PRKDC: variants seen among roughly 807,000 people sequenced by gnomAD.
PRKDC encodes the protein protein kinase, DNA-activated, catalytic subunit.
Under a neutral mutation model 486.9 loss-of-function variants are expected in PRKDC, and 82 were observed. The ratio of observed to expected loss-of-function variants is 0.17; its 90% confidence interval spans 0.14 to 0.20. The LOEUF (loss-of-function observed/expected upper bound fraction) is 0.20. PRKDC is among the 10% of genes least tolerant of loss of function. PRKDC has a pLI of 1.00. For missense variants in PRKDC, 4,504 were observed against 5,038.2 expected (o/e 0.89, Z 3.21); for synonymous variants, 1,895 against 1,837.0 (o/e 1.03, Z -0.81).
intron 63 of PRKDC, among the ~76,000 whole-genome samples, chr8:47,826,022 C>T (rs1409608877): frequency 1.3e-5 from 2 of 152,200 alleles, no homozygotes; most frequent in Admixed American, 6.5e-5. Context: ...CAAAACAGCA[C>T]GAAGCACAAG....
At chr8:47,936,007 G>C in intron 12 of PRKDC, 107 bp from the exon 13 acceptor site, 1 of 1,117,236 alleles carries the variant, frequency 9.0e-7, no homozygotes, top group Non-Finnish European at 1.2e-6. Flanking sequence ...CTTATTAAAA[G>C]AAAAACATGG....
rs2087472689 is a variant in PRKDC at position 47,817,491 on chromosome 8, T to G, written c.9516A>C (p.Lys3172Asn). Residue 3172 changes from lysine to asparagine, a missense_variant, in exon 68 of 86, where the codon AAA (lysine) becomes AAC (asparagine). Physicochemically the swap from Lys to Asn is moderately conservative, Grantham distance 94. Transcript: ENST00000314191. ...CATCCCAGATGTTCATTGGGTCCAT[T>G]TTAGCATCTGGATATCTGTTTGTCC... ...NTWTNRYPDA[K>N]MDPMNIWDDI... 5 of 1,608,044 alleles carry G rather than the reference T, an allele frequency of 3.1e-6. No homozygotes were observed. Among genetic ancestry groups the G allele is most frequent in the Non-Finnish European group, 4.2e-6 (5 of 1,176,876 alleles).
intron 29 of PRKDC, among the ~76,000 whole-genome samples, 161 bp from the exon 30 acceptor site, chr8:47,897,455 T>C (rs2089601448): frequency 6.6e-6 from 1 of 152,224 alleles, no homozygotes; most frequent in Admixed American, 6.5e-5. Flanking sequence ...TTAGATGCAA[T>C]CAAAATAACA....
At chr8:47,914,866 G>A (rs915173510) in intron 23 of PRKDC, among the ~76,000 whole-genome samples, 4 of 151,466 alleles carry the variant, frequency 2.6e-5, no homozygotes, top group Non-Finnish European at 5.9e-5. Context: ...TGTTGCCCAA[G>A]CTAGTCTCAA....
intron 13 of PRKDC, 45 bp downstream of exon 13, chr8:47,935,687 T>C: frequency 6.3e-7 from 1 of 1,575,896 alleles, no homozygotes; most frequent in Non-Finnish European, 8.7e-7. Context: ...AATAATGTGT[T>C]AATTATCCAT....
chr8:47,909,222 C>A (rs1184661956), intron 25 of PRKDC, among the ~76,000 whole-genome samples: 3 of 152,184 alleles, frequency 2.0e-5, no homozygotes, highest in Non-Finnish European at 2.9e-5. Context: ...CCGGTTGGAG[C>A]CGAGGCAGAA....
At chr8:47,864,523 C>T (rs2154500800) in intron 41 of PRKDC, 33 bp downstream of exon 41, 1 of 1,563,982 alleles carries the variant, frequency 6.4e-7, no homozygotes, top group Non-Finnish European at 8.7e-7. Context: ...GTAGGCTGCT[C>T]ACTTCTTATT....
chr8:47,908,456 T>A (rs1563798067), intron 25 of PRKDC, among the ~76,000 whole-genome samples: 1 of 152,180 alleles, frequency 6.6e-6, no homozygotes, highest in Non-Finnish European at 1.5e-5. Flanking sequence ...ATCAATACAT[T>A]AACACTTTTA....
Position 47,798,239 on chromosome 8 carries a change from CTT to C in PRKDC, c.10454_10455del (p.Lys3485ArgfsTer38), listed in dbSNP as rs769356674. On this transcript the variant is annotated frameshift_variant, in exon 73 of 86. Transcript: ENST00000314191. LOFTEE classifies it high-confidence loss of function. ...YPEETLSLMT[K>X]EISSVPCWQF... ...CCAAGTAGAATAAAGACACCAACCT[CTT>C]TTGTCATGAGGCTCAAAGTCTCCTC... 6.2e-7 allele frequency: 1 copy of C among 1,610,624 alleles called. No homozygotes were observed. The highest frequency in any genetic ancestry group is 1.3e-5 in the African/African-American group (1 of 74,858).
At chr8:47,803,826 T>C (rs1162581140) in intron 69 of PRKDC, among the ~76,000 whole-genome samples, 1 of 151,722 alleles carries the variant, frequency 6.6e-6, no homozygotes, top group Non-Finnish European at 1.5e-5. Flanking sequence ...CACGTGCCTA[T>C]AGTCCCAGCT....
At chr8:47,908,177 G>A (rs1435638944) in intron 25 of PRKDC, among the ~76,000 whole-genome samples, 1 of 152,130 alleles carries the variant, frequency 6.6e-6, no homozygotes, top group Non-Finnish European at 1.5e-5. Flanking sequence ...TTGTGCCCTT[G>A]GCAACACCAA....
At position 47,939,681 on chromosome 8, in the gene PRKDC, G is replaced by A. The variant is rs769059077; in HGVS notation, c.983C>T (p.Ala328Val). 2.2e-5 allele frequency: 35 copies of A among 1,600,118 alleles called. No individual in the cohort carries two copies. Among genetic ancestry groups the A allele is most frequent in the Admixed American group, 8.7e-5 (5 of 57,742 alleles). The change falls in exon 11 of 86, where the codon GCG (alanine) becomes GTG (valine). Residue 328 changes from alanine to valine, a missense_variant. Ala to Val is a moderately conservative substitution (Grantham distance 64). This residue lies in a region of PRKDC where 1,969 missense variants were observed against 2,068.9 expected (regional missense o/e 0.95). Coordinates refer to ENST00000314191, the MANE Select transcript of PRKDC (RefSeq NM_006904.7). ...SFLKQVSNMVAKNAEMHKNKL... is the reference protein window; with the variant it reads ...SFLKQVSNMVVKNAEMHKNKL... ...ATTTTTATGCATTTCTGCATTTTTC[G>A]CCACCATATTAGAAACCTGCAAATA...
Position 47,835,925 on chromosome 8 carries a change from C to G in PRKDC, c.7951+413G>C, listed in dbSNP as rs1047242841. Among the ~76,000 whole-genome samples the G allele has an allele frequency of 3.9e-5, 6 of 152,176 alleles. No individual in the cohort carries two copies. The South Asian group carries it at 1.0e-3, about 26-fold the overall frequency. On this transcript the variant is annotated intron_variant, in intron 58 of 85. Coordinates refer to ENST00000314191, the MANE Select transcript of PRKDC (RefSeq NM_006904.7). ...TAACTACAGGCGTGCGCCACCATGC[C>G]CAGCTAATTTGTAAAATTGTTTTGT...
chr8:47,773,490 T>C lies in PRKDC; in HGVS notation c.*683A>G, dbSNP rs566276640. Reference sequence around the variant, plus strand: ...CTTTTATGTATCTTCCAGTTGTAGATTGGAATAGCAAAAGTGAATGCTATG... The same window carrying C: ...CTTTTATGTATCTTCCAGTTGTAGACTGGAATAGCAAAAGTGAATGCTATG... On this transcript the variant is annotated 3_prime_UTR_variant, in exon 86 of 86. Transcript: ENST00000314191. The C allele has an allele frequency of 2.0e-4, 43 of 219,868 alleles. No homozygotes were observed. The South Asian group carries it at 2.6e-3, about 13-fold the overall frequency. 13.6% of individuals were successfully genotyped at this position (219,868 alleles called of 1,614,324 possible). A position where few individuals can be genotyped will look rare whatever the true frequency, so the allele number is the denominator to read the frequency against.
intron 35 of PRKDC, among the ~76,000 whole-genome samples, chr8:47,887,001 G>GT (rs2089348483): frequency 6.6e-6 from 1 of 152,178 alleles, no homozygotes; most frequent in African/African-American, 2.4e-5. Context: ...ATTTAAATAT[G>GT]TAATTGTTTA....
chr8:47,790,147 T>C (rs2086860634), intron 74 of PRKDC, among the ~76,000 whole-genome samples: 1 of 152,196 alleles, frequency 6.6e-6, no homozygotes, highest in Admixed American at 6.5e-5. Context: ...GATACGATCT[T>C]ATATTTGGAG....
Position 47,932,335 on chromosome 8 carries a change from G to A in PRKDC, c.1776+685C>T, listed in dbSNP as rs554313909. On this transcript the variant is annotated intron_variant, in intron 16 of 85. Transcript: ENST00000314191. ...CCTGACCTTGTGATCCGCCTGCCTC[G>A]GCCTCCCAAAGTGCTGGGATTACAG... Among the ~76,000 whole-genome samples, 9 of 152,066 alleles carry A rather than the reference G, an allele frequency of 5.9e-5. No homozygotes were observed. In the East Asian group the frequency reaches 1.2e-3, roughly 20 times the overall value.
rs1005529291 is a variant in PRKDC, at chr8:47,868,732, T to C, written c.5364-3969A>G. On this transcript the variant is annotated intron_variant, in intron 40 of 85. Transcript: ENST00000314191. The stretch of plus-strand genomic sequence containing the variant: ...CCAAAAATCAGGTGAGTGATCATTG[T>C]ACCTGGTTTTAACTTCGTATTAAGG... 5.9e-5 allele frequency among the ~76,000 whole-genome samples: 9 copies of C among 152,302 alleles called. 1 individual carries two copies. The East Asian group carries it at 1.7e-3, about 29-fold the overall frequency.
chr8:47,904,884 T>A lies in PRKDC; in HGVS notation c.3027A>T (p.Leu1009Phe). Reference protein sequence around the residue: ...KKFESQDTVALLEAILDGIVD... With the variant: ...KKFESQDTVAFLEAILDGIVD... ...TATTACTTACCAATATAGCTTCTAG[T>A]AAGGCAACAGTATCCTGACTTTCAA... Residue 1009 changes from leucine (L) to phenylalanine (F), a missense_variant, in exon 26 of 86, where the codon TTA becomes TTT. Leu to Phe is a conservative substitution (Grantham distance 22). This residue lies in a region of PRKDC where 1,969 missense variants were observed against 2,068.9 expected (regional missense o/e 0.95). Coordinates refer to ENST00000314191, the MANE Select transcript of PRKDC (RefSeq NM_006904.7). The A allele has an allele frequency of 6.2e-7, 1 of 1,605,654 alleles. No individual in the cohort carries two copies. Among genetic ancestry groups the A allele is most frequent in the Non-Finnish European group, 8.5e-7 (1 of 1,172,986 alleles).
Sources: allele counts gnomAD v4.1 joint callset (sites outside exome capture counted in the v4.1 genomes callset), GRCh38; gene constraint gnomAD v4.1.1; regional missense constraint gnomAD v4.1.1; transcripts MANE v1.5; gene names NCBI Gene and HGNC (gene_info 2026-07-23, HGNC 2026-07-21).